KHDRBS2: variants seen among roughly 807,000 people sequenced by gnomAD.
KHDRBS2 encodes KH RNA binding domain containing, signal transduction associated 2, also known as KH domain-containing, RNA-binding, signal transduction-associated protein 2.
In KHDRBS2, 26 loss-of-function variants were observed where a neutral mutation model predicts 44.3. The ratio of observed to expected loss-of-function variants is 0.59; its 90% CI spans 0.43 to 0.81. The LOEUF is 0.81. Ranked by LOEUF, KHDRBS2 falls within the 40% of genes least tolerant of loss-of-function variation. The pLI is 0.00. For synonymous variants in KHDRBS2, 194 were observed against 151.1 expected, an observed-to-expected ratio of 1.28 and a Z score of -2.08; for missense variants, 476 against 433.1, an observed-to-expected ratio of 1.10 and a Z score of -0.88.
intron 1 of KHDRBS2, among the ~76,000 whole-genome samples, chr6:62,278,619 T>A (rs915667397): frequency 2.0e-5 from 3 of 152,168 alleles, no homozygotes; most frequent in African/African-American, 7.2e-5. Flanking sequence ...CATAAATGAA[T>A]GCGGATGGGA....
intron 3 of KHDRBS2, among the ~76,000 whole-genome samples, chr6:62,013,866 C>G (rs538951012): frequency 6.6e-6 from 1 of 152,116 alleles, no homozygotes; most frequent in African/African-American, 2.4e-5. Context: ...TGTGGCAAAT[C>G]GCAGAACGGT....
At chr6:61,568,957 A>G in the KHDRBS2 span, among the ~76,000 whole-genome samples, 5 of 152,308 alleles carry the variant, frequency 3.3e-5, 1 homozygote, top group African/African-American at 1.2e-4. Flanking sequence ...AGATATAAGC[A>G]TAGGAGTTGC....
At chr6:62,227,673 T>C (rs567801797) in intron 1 of KHDRBS2, among the ~76,000 whole-genome samples, 3 of 152,230 alleles carry the variant, frequency 2.0e-5, no homozygotes, top group Non-Finnish European at 2.9e-5. Context: ...TCATAAATAG[T>C]TGTTTTTATT....
intron 4 of KHDRBS2, among the ~76,000 whole-genome samples, chr6:61,970,510 C>A (rs1771150050): frequency 6.6e-6 from 1 of 152,074 alleles, no homozygotes; most frequent in Admixed American, 6.6e-5. Context: ...ACATGCAACA[C>A]TGGATGCAGG....
chr6:61,594,444 C>T, the KHDRBS2 span, among the ~76,000 whole-genome samples: 105 of 152,072 alleles, frequency 6.9e-4, 2 homozygotes, highest in East Asian at 0.019. Context: ...TAGTCTTTTC[C>T]ATAAACTTCC....
At chr6:62,119,571 A>C (rs1041650352) in intron 2 of KHDRBS2, among the ~76,000 whole-genome samples, 7 of 152,194 alleles carry the variant, frequency 4.6e-5, no homozygotes, top group Non-Finnish European at 8.8e-5. Flanking sequence ...TGATAAAGTA[A>C]GGGCAATGAT....
the KHDRBS2 span, among the ~76,000 whole-genome samples, chr6:61,553,016 A>G: frequency 3.9e-5 from 6 of 152,182 alleles, no homozygotes; most frequent in Non-Finnish European, 7.3e-5. Flanking sequence ...TGGTGGCCTC[A>G]TAGAATGACT....
intron 2 of KHDRBS2, among the ~76,000 whole-genome samples, chr6:62,169,143 ATGTG>A (rs1562991598): frequency 1.3e-4 from 15 of 111,380 alleles, no homozygotes; most frequent in African/African-American, 4.0e-4. Flanking sequence ...ACACACATAT[ATGTG>A]TGTATATATA....
chr6:61,687,565 T>A (rs552348558), intron 8 of KHDRBS2, among the ~76,000 whole-genome samples: 1 of 152,028 alleles, frequency 6.6e-6, no homozygotes, highest in South Asian at 2.1e-4. Context: ...TGTTCTGCAT[T>A]TGCATTACTA....
At chr6:61,845,660 T>C (rs2127276758) in intron 6 of KHDRBS2, among the ~76,000 whole-genome samples, 1 of 152,280 alleles carries the variant, frequency 6.6e-6, no homozygotes, top group South Asian at 2.1e-4. Context: ...TTGGTGCCAA[T>C]GGAATTTTAA....
rs553525929 is a variant in KHDRBS2 at position 61,692,813 on chromosome 6, T to C, written c.952+4382A>G. ...TTCTTCCTCTCCCAATGCCTTCACT[T>C]GTCCCCACAGTTCTTCCTGCCAATG... is the stretch of plus-strand genomic sequence containing the variant. On this transcript the variant is annotated intron_variant, in intron 8 of 8. Coordinates refer to ENST00000281156, the MANE Select transcript of KHDRBS2 (RefSeq NM_152688.4). 2.0e-5 allele frequency among the ~76,000 whole-genome samples: 3 copies of C among 152,182 alleles called. No individual in the cohort carries two copies. In the South Asian group the frequency reaches 6.2e-4, roughly 32 times the overall value.
intron 4 of KHDRBS2, 56 bp downstream of exon 4, chr6:61,978,010 C>A: frequency 1.4e-6 from 2 of 1,406,162 alleles, no homozygotes; most frequent in African/African-American, 1.5e-5. Flanking sequence ...ATCAAAGGTG[C>A]ATTTTAAAAT....
At position 61,980,725 on chromosome 6, in the gene KHDRBS2, ACTT is replaced by A. The variant is rs201979207; in HGVS notation, c.337-2516_337-2514del. Among the ~76,000 whole-genome samples the A allele has an allele frequency of 9.9e-3, 1,503 of 152,218 alleles. 29 individuals are homozygous for A. The highest frequency in any genetic ancestry group is 0.034 in the African/African-American group (1,413 of 41,520). ...ATAAGGAAAACTACACCTCAGCTAA[ACTT>A]CTTAACAACAGAGCTCTCAGGCTGA... On this transcript the variant is annotated intron_variant, in intron 3 of 8. Transcript: ENST00000281156.
intron 3 of KHDRBS2, among the ~76,000 whole-genome samples, chr6:62,039,163 T>G (rs181108812): frequency 5.5e-4 from 84 of 152,070 alleles, no homozygotes; most frequent in African/African-American, 2.0e-3. Flanking sequence ...GCTCTAGATT[T>G]GTTTGCTATA....
intron 6 of KHDRBS2, among the ~76,000 whole-genome samples, chr6:61,742,945 T>C (rs1776352744): frequency 6.6e-6 from 1 of 152,080 alleles, no homozygotes; most frequent in Non-Finnish European, 1.5e-5. Flanking sequence ...AAATTGCATA[T>C]TTCTGAAATC....
At chr6:62,216,331 A>C (rs1033947327) in intron 1 of KHDRBS2, among the ~76,000 whole-genome samples, 4 of 151,822 alleles carry the variant, frequency 2.6e-5, no homozygotes, top group Non-Finnish European at 4.4e-5. Flanking sequence ...GTTGATTGAC[A>C]CTTTTGCATA....
intron 2 of KHDRBS2, among the ~76,000 whole-genome samples, chr6:62,100,512 A>C (rs546072759): frequency 6.6e-6 from 1 of 152,336 alleles, no homozygotes; most frequent in African/African-American, 2.4e-5. Flanking sequence ...TAAGAGGAAG[A>C]GGCAAGCGAT....
At chr6:61,571,245 A>G in the KHDRBS2 span, among the ~76,000 whole-genome samples, 1 of 152,122 alleles carries the variant, frequency 6.6e-6, no homozygotes, top group South Asian at 2.1e-4. Context: ...ATGCAAATGG[A>G]AACCTAAAGC....
rs775781768 is a variant in KHDRBS2, at chr6:61,901,260, G to C, written c.595C>G (p.Pro199Ala). The C allele has an allele frequency of 1.2e-6, 2 of 1,612,856 alleles. No individual in the cohort carries two copies. The highest frequency in any genetic ancestry group is 1.3e-5 in the African/African-American group (1 of 74,810). Residue 199 changes from proline to alanine, a missense_variant, in exon 5 of 9, where the codon CCC becomes GCC. By Grantham distance (27) the Pro-to-Ala change is conservative. Transcript: ENST00000281156. The part of the protein sequence containing the change: ...GIRGRGIRIA[P>A]TAPSRGRGGA... ...TGAATGTACCTTGAAGGAGCTGTGG[G>C]AGCTATTCTGATCCCTCTGCCTCTA...
Sources: allele counts gnomAD v4.1 joint callset (sites outside exome capture counted in the v4.1 genomes callset), GRCh38; gene constraint gnomAD v4.1.1; transcripts MANE v1.5; gene names NCBI Gene and HGNC (gene_info 2026-07-23, HGNC 2026-07-21).